The following SDCCAG8 variants were observed in gnomAD, a reference collection of about 807,000 sequenced individuals.
The protein encoded by SDCCAG8 is serologically defined colon cancer antigen 8.
In SDCCAG8, 74 loss-of-function variants were observed where a neutral mutation model predicts 101.8. The ratio of observed to expected loss-of-function variants is 0.73; its 90% CI spans 0.60 to 0.88. SDCCAG8 has a LOEUF of 0.88. Among genes scored for constraint, SDCCAG8 ranks in the 40% least tolerant of loss-of-function variants. The pLI is 0.00. For missense variants in SDCCAG8, 787 were observed against 822.6 expected, an observed-to-expected ratio of 0.96 and a Z score of 0.53; for synonymous variants, 281 against 292.9, an observed-to-expected ratio of 0.96 and a Z score of 0.41.
At chr1:243,444,821 A>G (rs1406428472) in intron 16 of SDCCAG8, among the ~76,000 whole-genome samples, 1 of 152,236 alleles carries the variant, frequency 6.6e-6, no homozygotes, top group Non-Finnish European at 1.5e-5. Context: ...TCAGAAATGC[A>G]ACTTTGTAAT....
At chr1:243,490,550 G>A (rs1441097904) in intron 17 of SDCCAG8, among the ~76,000 whole-genome samples, 1 of 152,214 alleles carries the variant, frequency 6.6e-6, no homozygotes, top group Non-Finnish European at 1.5e-5. Context: ...CCCTGCCCCC[G>A]CTTCGGACAA....
intron 1 of SDCCAG8, among the ~76,000 whole-genome samples, chr1:243,264,385 C>T (rs564795583): frequency 6.6e-5 from 10 of 152,190 alleles, no homozygotes; most frequent in South Asian, 2.1e-4. Context: ...GAGGCTGAGG[C>T]GGAAGGATCA....
At chr1:243,267,422 A>G in intron 1 of SDCCAG8, 1 of 300,404 alleles carries the variant, frequency 3.3e-6, no homozygotes, top group Non-Finnish European at 6.5e-6. Context: ...AACGTGGAGA[A>G]ACCCCGTCTC....
At chr1:243,367,263 A>G (rs1447737919) in intron 12 of SDCCAG8, among the ~76,000 whole-genome samples, 2 of 152,030 alleles carry the variant, frequency 1.3e-5, no homozygotes, top group African/African-American at 4.8e-5. Context: ...TGGAAAGACT[A>G]CTTTTTTTAT....
At chr1:243,354,448 G>GACA (rs2076274130) in intron 12 of SDCCAG8, among the ~76,000 whole-genome samples, 2 of 152,320 alleles carry the variant, frequency 1.3e-5, no homozygotes, top group Admixed American at 6.5e-5. Flanking sequence ...CTTGTAAAGA[G>GACA]TTAAGTTTAC....
chr1:243,418,736 G>GT (rs2080780338), intron 15 of SDCCAG8, among the ~76,000 whole-genome samples: 1 of 152,116 alleles, frequency 6.6e-6, no homozygotes, highest in African/African-American at 2.4e-5. Context: ...AGCTCCGACA[G>GT]TAACTGAATA....
intron 12 of SDCCAG8, among the ~76,000 whole-genome samples, chr1:243,368,845 A>AAGTGT (rs1161334475): frequency 2.6e-5 from 4 of 152,154 alleles, no homozygotes; most frequent in Non-Finnish European, 5.9e-5. Context: ...TTCTCCTAGT[A>AAGTGT]AGTGTAGTAA....
At chr1:243,356,653 G>A (rs1019991473) in intron 12 of SDCCAG8, among the ~76,000 whole-genome samples, 1 of 152,056 alleles carries the variant, frequency 6.6e-6, no homozygotes, top group African/African-American at 2.4e-5. Flanking sequence ...TTACTGGTAT[G>A]AAAATCCCTT....
intron 4 of SDCCAG8, among the ~76,000 whole-genome samples, chr1:243,280,207 T>C (rs1462688910): frequency 6.6e-6 from 1 of 152,204 alleles, no homozygotes; most frequent in Non-Finnish European, 1.5e-5. Context: ...ATAGTATTTC[T>C]TTGTTATCCT....
chr1:243,426,700 A>T, intron 16 of SDCCAG8, 142 bp downstream of exon 16: 2 of 1,009,686 alleles, frequency 2.0e-6, no homozygotes, highest in Non-Finnish European at 3.0e-6. Flanking sequence ...ACTTTATTTT[A>T]TGTATTTATG....
In SDCCAG8 at chr1:243,417,107, AATT is replaced by A. The variant is rs1342454773; in HGVS notation, c.1745-860_1745-858del. Among the ~76,000 whole-genome samples the A allele has an allele frequency of 3.9e-5, 6 of 152,336 alleles. No individual in the cohort carries two copies. The East Asian group carries it at 1.2e-3, about 29-fold the overall frequency. ...AGGCAAATGTCATATTGACTCACATAATTCCCTCTATCACTTTCAGTAGAGATT... is the reference window on the plus strand; with the variant it reads ...AGGCAAATGTCATATTGACTCACATACCCTCTATCACTTTCAGTAGAGATT... On this transcript the variant is annotated intron_variant, in intron 14 of 17. Transcript: ENST00000366541.
chr1:243,393,259 G>T (rs1047890705), intron 13 of SDCCAG8, among the ~76,000 whole-genome samples: 1 of 152,150 alleles, frequency 6.6e-6, no homozygotes, highest in African/African-American at 2.4e-5. Flanking sequence ...AGGTAGGAGG[G>T]CAGTGTTAGG....
chr1:243,402,729 T>G (rs1352904565), intron 13 of SDCCAG8, among the ~76,000 whole-genome samples: 1 of 152,200 alleles, frequency 6.6e-6, no homozygotes, highest in Non-Finnish European at 1.5e-5. Context: ...TGAAGTTAGA[T>G]TCTCATGAGC....
At chr1:243,325,249 G>C (rs962828283) in intron 9 of SDCCAG8, among the ~76,000 whole-genome samples, 16 of 152,266 alleles carry the variant, frequency 1.1e-4, no homozygotes, top group African/African-American at 3.9e-4. Context: ...TTTAATAACT[G>C]AGAGCAAGCA....
At chr1:243,288,021 T>G (rs978625742) in intron 5 of SDCCAG8, among the ~76,000 whole-genome samples, 3 of 152,244 alleles carry the variant, frequency 2.0e-5, no homozygotes, top group Non-Finnish European at 2.9e-5. Flanking sequence ...TTGTTGTTTT[T>G]TAAACATTCA....
chr1:243,356,831 A>G (rs1276640808), intron 12 of SDCCAG8, among the ~76,000 whole-genome samples: 1 of 149,874 alleles, frequency 6.7e-6, no homozygotes, highest in Non-Finnish European at 1.5e-5. Context: ...CAAAAAAAAG[A>G]AAAAAAAAAT....
intron 16 of SDCCAG8, among the ~76,000 whole-genome samples, chr1:243,453,609 G>A (rs1214354865): frequency 6.6e-6 from 1 of 152,162 alleles, no homozygotes. Context: ...ATCCTGTTAA[G>A]AATGATCAGG....
chr1:243,483,245 CT>C (rs1664117552), intron 16 of SDCCAG8, among the ~76,000 whole-genome samples: 1 of 152,076 alleles, frequency 6.6e-6, no homozygotes, highest in Admixed American at 6.5e-5. Flanking sequence ...AGCGCGCCCC[CT>C]GGGCTGGGCG....
At chr1:243,448,377 A>C (rs1574100066) in intron 16 of SDCCAG8, among the ~76,000 whole-genome samples, 2 of 152,268 alleles carry the variant, frequency 1.3e-5, no homozygotes, top group Admixed American at 1.3e-4. Flanking sequence ...AAAAGTAGAG[A>C]GGTGGTTGGT....
Sources: gnomAD v4.1 joint callset for allele counts (sites outside exome capture counted in the v4.1 genomes callset) on GRCh38, gnomAD v4.1.1 for gene constraint, MANE v1.5 for transcripts, NCBI Gene and HGNC (gene_info 2026-07-23, HGNC 2026-07-21) for gene names.